UNC13D: variants seen among roughly 807,000 people sequenced by gnomAD.
The protein encoded by UNC13D is protein unc-13 homolog D.
A neutral mutation model predicts 151.7 loss-of-function variants in UNC13D; 115 were observed. That is an observed-to-expected ratio of 0.76 (90% CI 0.65 to 0.88). UNC13D has a LOEUF of 0.88. Ranked by LOEUF, UNC13D falls within the 40% of genes least tolerant of loss-of-function variation. UNC13D has a pLI of 0.00. For synonymous variants in UNC13D, 588 were observed against 612.2 expected (o/e 0.96, Z 0.58); for missense variants, 1,369 against 1,438.7 (o/e 0.95, Z 0.78).
Position 75,832,820 on chromosome 17 carries a change from C to A in UNC13D, c.2447+146G>T. 1 of 717,288 alleles carries A rather than the reference C, an allele frequency of 1.4e-6. No individual in the cohort carries two copies. Among genetic ancestry groups the A allele is most frequent in the African/African-American group, 1.8e-5 (1 of 56,730 alleles). The allele number at this position is 717,288 out of a possible 1,614,324, so 44.4% of individuals were successfully genotyped here. A position where few individuals can be genotyped will look rare whatever the true frequency, so the allele number is the denominator to read the frequency against. ...GATGCTGAGGCCCAGGAAAGAGGGG[C>A]CGTGGGAGGAGAGGGGGAGGTGGCG... On this transcript the variant is annotated intron_variant, in intron 25 of 31. Coordinates refer to ENST00000207549, the MANE Select transcript of UNC13D (RefSeq NM_199242.3). The surrounding 1 kb of genome is among the most constrained non-coding windows in gnomAD (Gnocchi z 4.3).
chr17:75,842,571 AC>A lies in UNC13D; in HGVS notation c.430del (p.Val144Ter). ...PYCLLGIEQG[V>X]GVPGGSPGSR... ...CCCGGGGCTGCCCCCTGGCACACCTACCCCCTGCTCAATGCCCAGCAGGCAG... is the reference window on the plus strand; with the variant it reads ...CCCGGGGCTGCCCCCTGGCACACCTACCCCTGCTCAATGCCCAGCAGGCAG... On this transcript the variant is annotated frameshift_variant, in exon 6 of 32. Transcript: ENST00000207549. LOFTEE classifies it high-confidence loss of function. 1 of 1,611,230 alleles carries A rather than the reference AC, an allele frequency of 6.2e-7. No homozygotes were observed. Among genetic ancestry groups the A allele is most frequent in the Non-Finnish European group, 8.5e-7 (1 of 1,179,034 alleles).
At chr17:75,837,936 T>C (rs775021178) in intron 12 of UNC13D, among the ~76,000 whole-genome samples, 4 of 152,110 alleles carry the variant, frequency 2.6e-5, no homozygotes, top group Non-Finnish European at 5.9e-5. Context: ...GAAGTCCCTA[T>C]TGGACACTGC....
Position 75,836,032 on chromosome 17 carries a change from T to C in UNC13D, c.1524A>G (p.Thr508=), listed in dbSNP as rs998868036. The stretch of plus-strand genomic sequence containing the variant: ...CTCACTTGTGGAAGATCTTGTCCCA[T>C]GTGCGCTGGCACTGGTGCAGGTCGC... ...VIGDLHQCQR[T]WDKIFHNTLK... Residue 508 remains threonine (T), a synonymous_variant, in exon 17 of 32, where the codon ACA becomes ACG. Transcript: ENST00000207549. 3.7e-6 allele frequency: 6 copies of C among 1,613,998 alleles called. No individual in the cohort carries two copies. Among genetic ancestry groups the C allele is most frequent in the Non-Finnish European group, 5.1e-6 (6 of 1,180,028 alleles).
At position 75,840,776 on chromosome 17, in the gene UNC13D, C is replaced by A; in HGVS notation, c.669G>T (p.Leu223=). 1 of 1,614,014 alleles carries A rather than the reference C, an allele frequency of 6.2e-7. No individual in the cohort carries two copies. The highest frequency in any genetic ancestry group is 8.5e-7 in the Non-Finnish European group (1 of 1,180,040). The change falls in exon 8 of 32, where the codon CTG becomes CTT. Residue 223 remains leucine (L), a synonymous_variant. Transcript: ENST00000207549. This position sits in a 1 kb window ranked among gnomAD's most constrained non-coding sequence, Gnocchi z 4.6. ...VRQKLGELTD[L]HGLRRIFKEA... ...GCAACACGAACCTGCGAAGCCCATGCAGATCCGTGAGCTCCCCAAGCTTCT... is the reference window on the plus strand; with the variant it reads ...GCAACACGAACCTGCGAAGCCCATGAAGATCCGTGAGCTCCCCAAGCTTCT...
chr17:75,830,792 G>A (rs753532842), intron 27 of UNC13D, 131 bp from the exon 28 acceptor site: 46 of 1,173,900 alleles, frequency 3.9e-5, no homozygotes, highest in South Asian at 6.7e-5. Context: ...ATGGGACAAC[G>A]GGCTGGGGCC....
intron 30 of UNC13D, 35 bp downstream of exon 30, chr17:75,829,993 G>A (rs1352635341): frequency 1.3e-6 from 2 of 1,565,970 alleles, no homozygotes; most frequent in Non-Finnish European, 1.7e-6. Context: ...GGAGAGATGA[G>A]GGGAGGGACT....
At chr17:75,843,579 G>A (rs945181322) in intron 1 of UNC13D, 60 bp from the exon 2 acceptor site, 8 of 1,593,964 alleles carry the variant, frequency 5.0e-6, no homozygotes, top group Admixed American at 3.5e-5. Flanking sequence ...CAGATGGACA[G>A]GAATGGCTCC....
intron 6 of UNC13D, among the ~76,000 whole-genome samples, chr17:75,842,222 C>T (rs1226161809): frequency 6.6e-6 from 1 of 152,210 alleles, no homozygotes; most frequent in Non-Finnish European, 1.5e-5. Flanking sequence ...ACCCTCCTTG[C>T]CCCATCAGCA....
chr17:75,830,273 C>A, intron 29 of UNC13D, 89 bp downstream of exon 29: 2 of 1,560,422 alleles, frequency 1.3e-6, no homozygotes, highest in African/African-American at 1.4e-5. Flanking sequence ...ACCCAGAGCT[C>A]CTGCAGGGTG....
chr17:75,837,965 G>A (rs912096133), intron 12 of UNC13D, among the ~76,000 whole-genome samples: 3 of 152,084 alleles, frequency 2.0e-5, no homozygotes, highest in Non-Finnish European at 4.4e-5. Flanking sequence ...GCATTACTGT[G>A]CTTGGGCCCT....
In UNC13D at chr17:75,828,854, C is replaced by G. The variant is rs368577676; in HGVS notation, c.3084G>C (p.Leu1028=). 1.2e-5 allele frequency: 19 copies of G among 1,590,480 alleles called. No individual in the cohort carries two copies. In the Middle Eastern group the frequency reaches 5.4e-4, roughly 45 times the overall value. Residue 1028 remains leucine (L), a synonymous_variant, in exon 31 of 32, where the codon CTG becomes CTC. Transcript: ENST00000207549. The part of the protein sequence containing the change: ...AFLPLREVPG[L]SGSEEPGEVP... ...CCTCACCAGGCTCCTCAGAGCCACT[C>G]AGCCCGGGCACCTCACGCAGCGGCA...
At chr17:75,836,479 A>T in intron 14 of UNC13D, 50 bp from the exon 15 acceptor site, 2 of 1,612,168 alleles carry the variant, frequency 1.2e-6, no homozygotes, top group Non-Finnish European at 1.7e-6. Context: ...CCCACACTGC[A>T]CTCACTCCTC....
rs750477104 is a variant in UNC13D at position 75,834,159 on chromosome 17, G to A, written c.2299-16C>T. On this transcript the variant is annotated splice_polypyrimidine_tract_variant and intron_variant, in intron 23 of 31. Transcript: ENST00000207549. ...CCACCTCCAACTGGAGACACAAAAC[G>A]GAAGAAGGAGGGAGGTCAGGGCATG... 11 of 1,613,328 alleles carry A rather than the reference G, an allele frequency of 6.8e-6. No homozygotes were observed. Among genetic ancestry groups the A allele is most frequent in the South Asian group, 3.3e-5 (3 of 91,068 alleles).
chr17:75,841,224 A>T, intron 6 of UNC13D: 1 of 514,122 alleles, frequency 1.9e-6, no homozygotes, highest in South Asian at 2.1e-5. Flanking sequence ...AACTCACTGC[A>T]ACCTCTGCCT....
At position 75,834,505 on chromosome 17, in the gene UNC13D, C is replaced by T; in HGVS notation, c.2118G>A (p.Glu706=). ...ACTTGCCGATCACCAGCCGCAGCTG[C>T]TCCATGTCATTCACCACCACACACA... The part of the protein sequence containing the change: ...NMLCVVVNDM[E]QLRLVIGKLP... Residue 706 remains glutamate, a synonymous_variant, in exon 23 of 32, where the codon GAG becomes GAA. Coordinates refer to ENST00000207549, the MANE Select transcript of UNC13D (RefSeq NM_199242.3). The T allele has an allele frequency of 6.3e-7, 1 of 1,581,322 alleles. No individual in the cohort carries two copies. Among genetic ancestry groups the T allele is most frequent in the Non-Finnish European group, 8.6e-7 (1 of 1,164,096 alleles).
chr17:75,840,685 A>G lies in UNC13D; in HGVS notation c.683+77T>C. The stretch of plus-strand genomic sequence containing the variant: ...TGGACCCCAAAGGAGCCTGCACCCC[A>G]GCATCCAGTGTGCATGTTGGGGGAT... On this transcript the variant is annotated intron_variant, in intron 8 of 31. Coordinates refer to ENST00000207549, the MANE Select transcript of UNC13D (RefSeq NM_199242.3). This position sits in a 1 kb window ranked among gnomAD's most constrained non-coding sequence, Gnocchi z 4.6. The G allele has an allele frequency of 1.9e-6, 3 of 1,608,608 alleles. No individual in the cohort carries two copies. The highest frequency in any genetic ancestry group is 2.2e-5 in the East Asian group (1 of 44,856).
At position 75,842,923 on chromosome 17, in the gene UNC13D, T is replaced by C; in HGVS notation, c.322A>G (p.Lys108Glu). ...GTTGCCTTCAGACAAAATATTGGCT[T>C]CTGGAGGGACAGGAGGGATGGCCTG... Reference protein sequence around the residue: ...QTLQRVRELEKPIFCLKATVK... With the variant: ...QTLQRVRELEEPIFCLKATVK... Residue 108 changes from lysine (K) to glutamate (E), a missense_variant and splice_region_variant, in exon 5 of 32, where the codon AAG (lysine) becomes GAG (glutamate). This residue lies in a region of UNC13D where 550 missense variants were observed against 609.0 expected (regional missense o/e 0.90). Transcript: ENST00000207549. 6.2e-7 allele frequency: 1 copy of C among 1,613,418 alleles called. No individual in the cohort carries two copies. The highest frequency in any genetic ancestry group is 1.1e-5 in the South Asian group (1 of 91,076).
Position 75,828,834 on chromosome 17 carries a change from C to A in UNC13D, c.3104G>T (p.Gly1035Val). Residue 1035 changes from glycine to valine, a missense_variant, in exon 31 of 32, where the codon GGT becomes GTT. Physicochemically the swap from Gly to Val is moderately radical, Grantham distance 109. Transcript: ENST00000207549. ...GGGCAGGCGGGTCTGAGGCACCTCACCAGGCTCCTCAGAGCCACTCAGCCC... is the reference window on the plus strand; with the variant it reads ...GGGCAGGCGGGTCTGAGGCACCTCAACAGGCTCCTCAGAGCCACTCAGCCC... Reference protein sequence around the residue: ...VPGLSGSEEPGEVPQTRLPLT... With the variant: ...VPGLSGSEEPVEVPQTRLPLT... 1 of 1,572,662 alleles carries A rather than the reference C, an allele frequency of 6.4e-7. No homozygotes were observed.
Position 75,828,821 on chromosome 17 carries a change from C to G in UNC13D, c.3117G>C (p.Gln1039His). 1 of 1,562,510 alleles carries G rather than the reference C, an allele frequency of 6.4e-7. No homozygotes were observed. The highest frequency in any genetic ancestry group is 8.6e-7 in the Non-Finnish European group (1 of 1,156,470). Residue 1039 changes from glutamine to histidine, a missense_variant, in exon 31 of 32, where the codon CAG becomes CAC. By Grantham distance (24) the Gln-to-His change is conservative. Around this residue, in one of 3 missense-constraint regions of UNC13D, gnomAD observed 807 missense variants for 795.5 expected, o/e 1.01. Transcript: ENST00000207549. Reference sequence around the variant, plus strand: ...CGGGGTACGTGAGGGGCAGGCGGGTCTGAGGCACCTCACCAGGCTCCTCAG... The same window carrying G: ...CGGGGTACGTGAGGGGCAGGCGGGTGTGAGGCACCTCACCAGGCTCCTCAG... ...SGSEEPGEVPQTRLPLTYPAP... is the reference protein window; with the variant it reads ...SGSEEPGEVPHTRLPLTYPAP...
Sources: allele counts gnomAD v4.1 joint callset (sites outside exome capture counted in the v4.1 genomes callset), GRCh38; gene constraint gnomAD v4.1.1; regional missense constraint gnomAD v4.1.1; non-coding constraint Gnocchi (gnomAD v3.1); transcripts MANE v1.5; gene names NCBI Gene and HGNC (gene_info 2026-07-23, HGNC 2026-07-21).